CORIN: variants seen among roughly 807,000 people sequenced by gnomAD.
CORIN encodes corin, serine peptidase.
CORIN carries 117 observed loss-of-function variants against 125.3 expected under a neutral mutation model. That is an observed-to-expected ratio of 0.93 (90% CI 0.80 to 1.09). The LOEUF is 1.09. CORIN is among the 50% of genes least tolerant of loss of function. The pLI is 0.00. For missense variants in CORIN, 1,253 were observed against 1,306.7 expected, an observed-to-expected ratio of 0.96 and a Z score of 0.63; for synonymous variants, 450 against 466.4, an observed-to-expected ratio of 0.96 and a Z score of 0.45.
chr4:47,648,079 T>A (rs1452246667), intron 13 of CORIN, among the ~76,000 whole-genome samples: 1 of 152,212 alleles, frequency 6.6e-6, no homozygotes, highest in Non-Finnish European at 1.5e-5. Context: ...GAGAGAGATA[T>A]TAGTTACATG....
At chr4:47,832,513 C>T (rs1333661599) in intron 1 of CORIN, among the ~76,000 whole-genome samples, 9 of 142,520 alleles carry the variant, frequency 6.3e-5, no homozygotes, top group Admixed American at 3.8e-4. Flanking sequence ...GGGATGATCT[C>T]GGCTCACTGC....
intron 1 of CORIN, among the ~76,000 whole-genome samples, chr4:47,812,884 C>T (rs1732119455): frequency 6.6e-6 from 1 of 152,206 alleles, no homozygotes; most frequent in Non-Finnish European, 1.5e-5. Context: ...CAAATAACTA[C>T]TTCTTACAGA....
At chr4:47,768,693 T>C (rs191498454) in intron 3 of CORIN, among the ~76,000 whole-genome samples, 2 of 152,312 alleles carry the variant, frequency 1.3e-5, no homozygotes, top group South Asian at 2.1e-4. Context: ...ATAAATGTGA[T>C]ACATCACCTT....
rs61762896 is a variant in CORIN at position 47,705,695 on chromosome 4, C to T, written c.800-12612G>A. ...CAAAATGAAAAATACGTAGCCTGAC[C>T]TCTCAAAATGCTTTCCAGATTCAAA... On this transcript the variant is annotated intron_variant, in intron 5 of 21. Transcript: ENST00000273857. 7.5e-3 allele frequency among the ~76,000 whole-genome samples: 1,139 copies of T among 152,222 alleles called. 11 individuals carry two copies. Among genetic ancestry groups the T allele is most frequent in the Non-Finnish European group, 0.012 (825 of 68,020 alleles).
chr4:47,751,273 G>A (rs1478202722), intron 4 of CORIN, among the ~76,000 whole-genome samples: 2 of 152,022 alleles, frequency 1.3e-5, no homozygotes, highest in Non-Finnish European at 2.9e-5. Context: ...TATTTTTTCG[G>A]GGAGTATAGC....
At chr4:47,631,696 G>A (rs1390188957) in intron 16 of CORIN, among the ~76,000 whole-genome samples, 4 of 152,106 alleles carry the variant, frequency 2.6e-5, no homozygotes, top group Non-Finnish European at 5.9e-5. Flanking sequence ...TGGAAAAATT[G>A]TCTTCCACAA....
intron 1 of CORIN, among the ~76,000 whole-genome samples, chr4:47,817,908 C>T (rs1435897692): frequency 2.0e-5 from 3 of 152,154 alleles, no homozygotes; most frequent in African/African-American, 4.8e-5. Context: ...ATGGATTCAG[C>T]TGTAGATTTA....
chr4:47,600,360 A>G lies in CORIN; in HGVS notation c.2813-13T>C. 6.2e-7 allele frequency: 1 copy of G among 1,600,366 alleles called. No individual in the cohort carries two copies. On this transcript the variant is annotated splice_polypyrimidine_tract_variant and intron_variant, in intron 20 of 21. Transcript: ENST00000273857. ...AGCTTAAATGGCACTGAATTTTTAA[A>G]AAATAAGAATATATATATGATGATA...
chr4:47,626,739 T>C (rs139504957), intron 16 of CORIN, among the ~76,000 whole-genome samples: 3 of 152,324 alleles, frequency 2.0e-5, no homozygotes, highest in East Asian at 3.9e-4. Context: ...TTATAATGTG[T>C]ATGATACAAA....
At chr4:47,603,728 A>C in intron 19 of CORIN, 60 bp from the exon 20 acceptor site, 1 of 1,547,254 alleles carries the variant, frequency 6.5e-7, no homozygotes, top group Non-Finnish European at 8.8e-7. Context: ...TGTGAAATTC[A>C]CATGTAATTT....
At chr4:47,606,874 A>T (rs533988325) in intron 19 of CORIN, among the ~76,000 whole-genome samples, 1 of 152,340 alleles carries the variant, frequency 6.6e-6, no homozygotes, top group South Asian at 2.1e-4. Context: ...CAGACACCTG[A>T]AATCAAGCAA....
chr4:47,644,970 T>G, intron 14 of CORIN, 111 bp downstream of exon 14: 1 of 594,474 alleles, frequency 1.7e-6, no homozygotes. Context: ...GATGTGAAAA[T>G]ACTAAAAGAT....
intron 6 of CORIN, among the ~76,000 whole-genome samples, chr4:47,690,170 T>C (rs1725705312): frequency 6.6e-6 from 1 of 152,144 alleles, no homozygotes; most frequent in Non-Finnish European, 1.5e-5. Context: ...AGTTAAAACA[T>C]TTTCCTGCAA....
At chr4:47,691,487 T>C (rs937896568) in intron 6 of CORIN, among the ~76,000 whole-genome samples, 3 of 152,180 alleles carry the variant, frequency 2.0e-5, no homozygotes, top group Non-Finnish European at 2.9e-5. Context: ...AATTTCTTAC[T>C]GAAAAGAACG....
chr4:47,598,411 C>T (rs1721330262), intron 21 of CORIN, among the ~76,000 whole-genome samples: 3 of 152,110 alleles, frequency 2.0e-5, no homozygotes, highest in Admixed American at 2.0e-4. Context: ...ACTCAGTATA[C>T]ACCACTGAAC....
chr4:47,757,376 T>C (rs1577895727), intron 4 of CORIN, among the ~76,000 whole-genome samples: 1 of 152,028 alleles, frequency 6.6e-6, no homozygotes, highest in African/African-American at 2.4e-5. Flanking sequence ...GGTGGATCAC[T>C]TGAGGTCAGA....
chr4:47,643,403 A>G, intron 14 of CORIN, 147 bp from the exon 15 acceptor site: 1 of 671,870 alleles, frequency 1.5e-6, no homozygotes. Context: ...TAAAAACAGA[A>G]TAACATAATT....
chr4:47,619,510 A>G (rs1404604857), intron 19 of CORIN, among the ~76,000 whole-genome samples: 2 of 152,238 alleles, frequency 1.3e-5, no homozygotes, highest in Non-Finnish European at 2.9e-5. Context: ...CATTCAAGCA[A>G]AAGCTTGTTT....
At chr4:47,766,747 A>C (rs1029222109) in intron 3 of CORIN, among the ~76,000 whole-genome samples, 2 of 152,020 alleles carry the variant, frequency 1.3e-5, no homozygotes, top group Non-Finnish European at 2.9e-5. Context: ...GGAGTTCGAG[A>C]CCACCCTGGC....
Sources: gnomAD v4.1 joint callset for allele counts (sites outside exome capture counted in the v4.1 genomes callset) on GRCh38, gnomAD v4.1.1 for gene constraint, MANE v1.5 for transcripts, NCBI Gene and HGNC (gene_info 2026-07-23, HGNC 2026-07-21) for gene names.